Variants in CDYL observed in about 807,000 individuals in gnomAD.
CDYL encodes chromodomain Y-like protein.
CDYL carries 8 observed loss-of-function variants against 47.3 expected under a neutral mutation model. The observed-to-expected ratio is 0.17, with a 90% CI of 0.10 to 0.31. The LOEUF (loss-of-function observed/expected upper bound fraction) is 0.31. Ranked by LOEUF, CDYL falls within the 10% of genes least tolerant of loss-of-function variation. CDYL has a pLI of 1.00. For missense variants in CDYL, 471 were observed against 701.4 expected (o/e 0.67, Z 3.71); for synonymous variants, 266 against 265.0 (o/e 1.00, Z -0.04).
At chr6:4,901,252 GA>G (rs1019284460) in intron 2 of CDYL, among the ~76,000 whole-genome samples, 2 of 152,068 alleles carry the variant, frequency 1.3e-5, no homozygotes, top group Non-Finnish European at 2.9e-5. Flanking sequence ...CAAAGGGGGG[GA>G]AATCACATTT....
chr6:4,802,593 C>T (rs1759256359), intron 1 of CDYL, among the ~76,000 whole-genome samples: 1 of 152,092 alleles, frequency 6.6e-6, no homozygotes, highest in South Asian at 2.1e-4. Flanking sequence ...TGTGTGACCT[C>T]TTCACCCTTC....
chr6:4,711,229 T>C (rs184398326), intron 1 of CDYL, among the ~76,000 whole-genome samples: 2 of 152,242 alleles, frequency 1.3e-5, no homozygotes, highest in Admixed American at 1.3e-4. Context: ...GGTTTGCTAA[T>C]GGAATGCTTT....
Position 4,916,401 on chromosome 6 carries a change from A to T in CDYL, c.692-19114A>T, listed in dbSNP as rs1003277947. 2.8e-4 allele frequency among the ~76,000 whole-genome samples: 43 copies of T among 152,210 alleles called. 1 individual carries two copies. Among genetic ancestry groups the T allele is most frequent in the Admixed American group, 2.6e-3 (40 of 15,288 alleles). On this transcript the variant is annotated intron_variant, in intron 2 of 6. Transcript: ENST00000397588. ...GATAGTCTTTATATAAAATCTATGT[A>T]CTTGTGGATAATTTCCTCAAAGAAC...
chr6:4,886,007 A>G (rs1761891981), intron 1 of CDYL, among the ~76,000 whole-genome samples: 2 of 152,218 alleles, frequency 1.3e-5, no homozygotes, highest in African/African-American at 4.8e-5. Flanking sequence ...GGCATCATGT[A>G]TGTGACTGAC....
At chr6:4,816,252 G>GT (rs113113323) in intron 1 of CDYL, among the ~76,000 whole-genome samples, 17,300 of 142,108 alleles carry the variant, frequency 0.12, 1,076 homozygotes, top group South Asian at 0.14. Flanking sequence ...TCGCGTCCCT[G>GT]TTTTTTTTTT....
At position 4,875,009 on chromosome 6, in the gene CDYL, G is replaced by A. The variant is rs184462420; in HGVS notation, c.25-16704G>A. On this transcript the variant is annotated intron_variant, in intron 1 of 6. Coordinates refer to ENST00000397588, the MANE Select transcript of CDYL (RefSeq NM_004824.4). The stretch of plus-strand genomic sequence containing the variant: ...CTAAAGTGGCTATGAACATTCTTGC[G>A]TGGGTCTTTCTGTGGACAAACACAG... 5.9e-5 allele frequency among the ~76,000 whole-genome samples: 9 copies of A among 152,238 alleles called. No individual in the cohort carries two copies. The East Asian group carries it at 1.3e-3, about 23-fold the overall frequency.
In CDYL at chr6:4,943,775, A is replaced by G. The variant is rs755308467; in HGVS notation, c.1332+19A>G. 24 of 1,519,112 alleles carry G rather than the reference A, an allele frequency of 1.6e-5. No individual in the cohort carries two copies. The Admixed American group carries it at 5.3e-4, about 33-fold the overall frequency. The allele number at this position is 1,519,112 out of a possible 1,614,324, so 94.1% of individuals were successfully genotyped here. Reference sequence around the variant, plus strand: ...AGCATCTGTGAGTACCTTTTTAAAAAAAAAAAAAAAAAGTCATTCTAGAAA... The same window carrying G: ...AGCATCTGTGAGTACCTTTTTAAAAGAAAAAAAAAAAAGTCATTCTAGAAA... On this transcript the variant is annotated intron_variant, in intron 5 of 6. Coordinates refer to ENST00000397588, the MANE Select transcript of CDYL (RefSeq NM_004824.4).
At chr6:4,745,711 T>C (rs1757881720) in intron 3 of CDYL, among the ~76,000 whole-genome samples, 3 of 152,228 alleles carry the variant, frequency 2.0e-5, no homozygotes. Context: ...CGTCCAGTGC[T>C]GTCAGTTAAG....
At chr6:4,873,603 C>G (rs938192090) in intron 1 of CDYL, among the ~76,000 whole-genome samples, 23 of 152,172 alleles carry the variant, frequency 1.5e-4, no homozygotes, top group African/African-American at 5.5e-4. Context: ...TAGCATTTCT[C>G]CTTTGTTTTT....
At chr6:4,920,868 G>A (rs115345654) in intron 2 of CDYL, among the ~76,000 whole-genome samples, 3,373 of 152,252 alleles carry the variant, frequency 0.022, 48 homozygotes, top group South Asian at 0.042. Flanking sequence ...CACCCATCTC[G>A]GCCTCCTAAA....
Position 4,892,199 on chromosome 6 carries a change from C to G in CDYL, c.511C>G (p.Gln171Glu). The stretch of plus-strand genomic sequence containing the variant: ...CCCTGAGAAACTGGACCCCGTCGAG[C>G]AGGGTCAGGAGGACACAGTGGCACC... ...ESPEKLDPVE[Q>E]GQEDTVAPEV... is the part of the protein sequence containing the mutation. The change falls in exon 2 of 7, where the codon CAG (glutamine) becomes GAG (glutamate). Residue 171 changes from glutamine (Q) to glutamate (E), a missense_variant. Around this residue, in one of 3 missense-constraint regions of CDYL, gnomAD observed 311 missense variants for 350.0 expected, o/e 0.89. Coordinates refer to ENST00000397588, the MANE Select transcript of CDYL (RefSeq NM_004824.4). 6.2e-7 allele frequency: 1 copy of G among 1,614,216 alleles called. No individual in the cohort carries two copies. Among genetic ancestry groups the G allele is most frequent in the Non-Finnish European group, 8.5e-7 (1 of 1,180,036 alleles).
intron 3 of CDYL, among the ~76,000 whole-genome samples, chr6:4,758,561 G>C (rs1252242473): frequency 2.0e-5 from 3 of 151,652 alleles, no homozygotes; most frequent in African/African-American, 7.3e-5. Context: ...TACTTGGGAG[G>C]CTGAGGCACG....
intron 3 of CDYL, chr6:4,734,860 T>C: frequency 1.2e-6 from 2 of 1,613,714 alleles, no homozygotes; most frequent in Non-Finnish European, 1.7e-6. Flanking sequence ...TCTTGGTTTC[T>C]CCCAGTGGCA....
chr6:4,879,783 C>T (rs779897341), intron 1 of CDYL, among the ~76,000 whole-genome samples: 7 of 152,092 alleles, frequency 4.6e-5, no homozygotes, highest in African/African-American at 7.2e-5. Flanking sequence ...TAGTCTTGGA[C>T]TCCTGACCTC....
intron 5 of CDYL, among the ~76,000 whole-genome samples, chr6:4,945,776 C>T (rs1758495131): frequency 6.6e-6 from 1 of 152,242 alleles, no homozygotes; most frequent in Admixed American, 6.5e-5. Flanking sequence ...GCGGCTGTGG[C>T]AGGTGCTATA....
intron 1 of CDYL, among the ~76,000 whole-genome samples, chr6:4,832,766 T>A (rs1760184704): frequency 6.8e-6 from 1 of 146,738 alleles, no homozygotes; most frequent in Admixed American, 6.8e-5. Context: ...CTGTTATTGG[T>A]CTATTCAGAG....
intron 1 of CDYL, among the ~76,000 whole-genome samples, chr6:4,875,247 C>G (rs1211337329): frequency 1.3e-5 from 2 of 152,098 alleles, no homozygotes; most frequent in African/African-American, 4.8e-5. Context: ...ATGGTGAGAG[C>G]TGAAGAACTT....
chr6:4,788,432 G>A (rs1045881285), intron 1 of CDYL, among the ~76,000 whole-genome samples: 3 of 129,642 alleles, frequency 2.3e-5, no homozygotes, highest in African/African-American at 5.9e-5. Context: ...GCAGTGAGCC[G>A]AGATCACCTC....
Position 4,954,214 on chromosome 6 carries a change from A to AT in CDYL, c.*158_*159insT. 1 of 638,200 alleles carries AT rather than the reference A, an allele frequency of 1.6e-6. No individual in the cohort carries two copies. The highest frequency in any genetic ancestry group is 2.5e-6 in the Non-Finnish European group (1 of 398,032). The allele number at this position is 638,200 out of a possible 1,614,324, so 39.5% of individuals were successfully genotyped here. A position where few individuals can be genotyped will look rare whatever the true frequency, so the allele number is the denominator to read the frequency against. ...ACATCCACGCTATTTATTATCGAGG[A>AT]GTTTTAAAGTACTGTAACTTTAAAA... On this transcript the variant is annotated 3_prime_UTR_variant, in exon 7 of 7. Transcript: ENST00000397588.
Sources: gnomAD v4.1 joint callset for allele counts (sites outside exome capture counted in the v4.1 genomes callset) on GRCh38, gnomAD v4.1.1 for gene constraint, gnomAD v4.1.1 regional missense constraint, MANE v1.5 for transcripts, NCBI Gene and HGNC (gene_info 2026-07-23, HGNC 2026-07-21) for gene names.